Variants in CERS6 observed in about 807,000 individuals in gnomAD.
CERS6 encodes the protein ceramide synthase 6.
Under a neutral mutation model 56.8 loss-of-function variants are expected in CERS6, and 26 were observed. The observed-to-expected ratio is 0.46, with a 90% confidence interval of 0.34 to 0.63. CERS6 has a LOEUF of 0.63. Among genes scored for constraint, CERS6 ranks in the 30% least tolerant of loss-of-function variants. CERS6 has a pLI of 0.01. For synonymous variants in CERS6, 164 were observed against 173.3 expected (o/e 0.95, Z 0.42); for missense variants, 415 against 467.5 (o/e 0.89, Z 1.04).
chr2:168,550,784 C>T (rs115042561), intron 2 of CERS6, among the ~76,000 whole-genome samples: 1,652 of 152,276 alleles, frequency 0.011, 15 homozygotes, highest in African/African-American at 0.024. Flanking sequence ...AAGGCTCAGC[C>T]CTACCGAGTC....
chr2:168,702,462 C>T (rs1020257089), intron 6 of CERS6, among the ~76,000 whole-genome samples: 4 of 152,292 alleles, frequency 2.6e-5, no homozygotes, highest in Admixed American at 2.6e-4. Context: ...AGTGATAAAA[C>T]TCAAGCTTTC....
chr2:168,710,020 T>C (rs954636575), intron 6 of CERS6, among the ~76,000 whole-genome samples: 1 of 152,200 alleles, frequency 6.6e-6, no homozygotes, highest in African/African-American at 2.4e-5. Flanking sequence ...TTCATACAGA[T>C]AGGACTATAA....
chr2:168,654,229 G>A (rs1327925109), intron 4 of CERS6, among the ~76,000 whole-genome samples: 2 of 152,196 alleles, frequency 1.3e-5, no homozygotes, highest in Non-Finnish European at 2.9e-5. Context: ...ATGAGGGCCT[G>A]TGAGCTGACT....
intron 6 of CERS6, among the ~76,000 whole-genome samples, chr2:168,696,260 G>A (rs370019772): frequency 1.3e-5 from 2 of 152,142 alleles, no homozygotes; most frequent in Admixed American, 6.5e-5. Flanking sequence ...TTCTAGTCTT[G>A]TTCTTCTCCA....
chr2:168,467,427 G>A (rs929150402), intron 1 of CERS6, among the ~76,000 whole-genome samples: 7 of 152,212 alleles, frequency 4.6e-5, no homozygotes, highest in Non-Finnish European at 1.0e-4. Flanking sequence ...AAAGGGCTTT[G>A]TATGTCAGTG....
chr2:168,575,536 CAT>C (rs1331244945), intron 3 of CERS6, among the ~76,000 whole-genome samples: 3 of 152,070 alleles, frequency 2.0e-5, no homozygotes, highest in Non-Finnish European at 2.9e-5. Flanking sequence ...CCTCCCTTAA[CAT>C]GTGGGGATTA....
At chr2:168,740,846 C>T (rs150206722) in intron 8 of CERS6, among the ~76,000 whole-genome samples, 156 of 152,234 alleles carry the variant, frequency 1.0e-3, no homozygotes, top group East Asian at 6.7e-3. Context: ...GGACTGGAAG[C>T]CTATGGCAGT....
intron 3 of CERS6, among the ~76,000 whole-genome samples, chr2:168,571,552 A>G (rs1044294938): frequency 4.6e-5 from 7 of 152,116 alleles, no homozygotes; most frequent in Non-Finnish European, 1.0e-4. Context: ...GACTATTGAA[A>G]GTAGGTTTGT....
chr2:168,647,185 G>A (rs750956760), intron 4 of CERS6, among the ~76,000 whole-genome samples: 2 of 152,108 alleles, frequency 1.3e-5, no homozygotes, highest in Non-Finnish European at 2.9e-5. Flanking sequence ...TTTGTTGTTT[G>A]TGTCTTCACT....
At position 168,760,428 on chromosome 2, in the gene CERS6, G is replaced by T. The variant is rs554213025; in HGVS notation, c.846-5164G>T. Among the ~76,000 whole-genome samples the T allele has an allele frequency of 1.4e-3, 211 of 152,182 alleles. 1 individual carries two copies. The highest frequency in any genetic ancestry group is 2.5e-3 in the Non-Finnish European group (168 of 67,998). ...ATTAGATTGTGCCCACCAGATTAAG[G>T]GTGGGTCAGCCTTCCTCAGCCCGCT... On this transcript the variant is annotated intron_variant, in intron 8 of 9. Coordinates refer to ENST00000305747, the MANE Select transcript of CERS6 (RefSeq NM_203463.3).
At chr2:168,745,563 C>T (rs1487262754) in intron 8 of CERS6, among the ~76,000 whole-genome samples, 1 of 152,160 alleles carries the variant, frequency 6.6e-6, no homozygotes, top group African/African-American at 2.4e-5. Flanking sequence ...AAATGTAGAA[C>T]ACAGCTTATA....
chr2:168,572,803 A>G (rs1438816784), intron 3 of CERS6, among the ~76,000 whole-genome samples: 1 of 152,034 alleles, frequency 6.6e-6, no homozygotes, highest in Non-Finnish European at 1.5e-5. Flanking sequence ...GACCGTCAAT[A>G]CCTTGAGTTC....
At chr2:168,634,654 C>G (rs1684822809) in intron 4 of CERS6, among the ~76,000 whole-genome samples, 1 of 152,200 alleles carries the variant, frequency 6.6e-6, no homozygotes, top group African/African-American at 2.4e-5. Flanking sequence ...CTCAGGTGAT[C>G]TGCCTGCCTC....
At chr2:168,534,562 C>T (rs1024001310) in intron 1 of CERS6, among the ~76,000 whole-genome samples, 1 of 152,086 alleles carries the variant, frequency 6.6e-6, no homozygotes, top group Non-Finnish European at 1.5e-5. Context: ...GGAGATGTCA[C>T]TCAAGGAGGC....
chr2:168,664,758 C>T (rs1019304206), intron 4 of CERS6, among the ~76,000 whole-genome samples: 1 of 152,180 alleles, frequency 6.6e-6, no homozygotes, highest in Non-Finnish European at 1.5e-5. Context: ...AGCTCCTTTA[C>T]TGCAAACTGT....
chr2:168,649,837 GAA>G (rs1685300462), intron 4 of CERS6, among the ~76,000 whole-genome samples: 1 of 151,878 alleles, frequency 6.6e-6, no homozygotes, highest in Non-Finnish European at 1.5e-5. Flanking sequence ...AGAGGACTCT[GAA>G]GAGTCTGTGA....
intron 4 of CERS6, among the ~76,000 whole-genome samples, chr2:168,636,680 G>C (rs899946821): frequency 6.6e-6 from 1 of 152,142 alleles, no homozygotes; most frequent in African/African-American, 2.4e-5. Flanking sequence ...CTTGAATAAC[G>C]AAAGGAAATT....
At position 168,563,321 on chromosome 2, in the gene CERS6, T is replaced by C. The variant is rs573234155; in HGVS notation, c.407+1999T>C. On this transcript the variant is annotated intron_variant, in intron 3 of 9. Transcript: ENST00000305747. Reference sequence around the variant, plus strand: ...ACCACAATAAATAAGACAGTCATAGTTATGATCAATTAAAAATGCTTCTAA... The same window carrying C: ...ACCACAATAAATAAGACAGTCATAGCTATGATCAATTAAAAATGCTTCTAA... 2.0e-5 allele frequency among the ~76,000 whole-genome samples: 3 copies of C among 152,332 alleles called. No homozygotes were observed. The East Asian group carries it at 5.8e-4, about 29-fold the overall frequency.
At chr2:168,718,091 G>A (rs940079955) in intron 8 of CERS6, 113 bp downstream of exon 8, 2 of 697,612 alleles carry the variant, frequency 2.9e-6, no homozygotes, top group East Asian at 2.8e-5. Flanking sequence ...ATATTGGGGG[G>A]GAGGGGAAAT....
Sources: gnomAD v4.1 joint callset for allele counts (sites outside exome capture counted in the v4.1 genomes callset) on GRCh38, gnomAD v4.1.1 for gene constraint, MANE v1.5 for transcripts, NCBI Gene and HGNC (gene_info 2026-07-23, HGNC 2026-07-21) for gene names.